Variants in ADCY5 observed in about 807,000 individuals in gnomAD.
ADCY5 encodes adenylate cyclase 5, also known as adenylate cyclase type 5.
ADCY5 carries 30 observed loss-of-function variants against 119.7 expected under a neutral mutation model. The observed-to-expected ratio is 0.25, with a 90% CI of 0.19 to 0.34. The LOEUF is 0.34. Among genes scored for constraint, ADCY5 ranks in the 10% least tolerant of loss-of-function variants. ADCY5 has a pLI of 1.00. For synonymous variants in ADCY5, 753 were observed against 762.2 expected, an observed-to-expected ratio of 0.99 and a Z score of 0.20; for missense variants, 1,324 against 1,775.2, an observed-to-expected ratio of 0.75 and a Z score of 4.57.
At chr3:123,416,153 G>T (rs967103855) in intron 1 of ADCY5, 55 of 1,535,648 alleles carry the variant, frequency 3.6e-5, no homozygotes, top group Middle Eastern at 1.7e-4. Context: ...GACAGGTAGT[G>T]TGGGAGGCCT....
intron 1 of ADCY5, among the ~76,000 whole-genome samples, chr3:123,386,484 G>A (rs1175101980): frequency 1.3e-5 from 2 of 152,222 alleles, no homozygotes; most frequent in Non-Finnish European, 2.9e-5. Flanking sequence ...TTCTACTTAG[G>A]AGACATGTTT....
Position 123,448,391 on chromosome 3 carries a change from C to T in ADCY5, c.155G>A (p.Gly52Asp), listed in dbSNP as rs1380755130. 1 of 1,455,422 alleles carries T rather than the reference C, an allele frequency of 6.9e-7. No homozygotes were observed. Among genetic ancestry groups the T allele is most frequent in the Non-Finnish European group, 9.0e-7 (1 of 1,111,788 alleles). The allele number at this position is 1,455,422 out of a possible 1,614,324, so 90.2% of individuals were successfully genotyped here. ...YPHAPGGSAR[G>D]STKKPGGAVT... ...CGCCCCCCCGGGTTTCTTGGTGGAGCCGCGGGCAGAGCCCCCGGGGGCATG... is the reference window on the plus strand; with the variant it reads ...CGCCCCCCCGGGTTTCTTGGTGGAGTCGCGGGCAGAGCCCCCGGGGGCATG... The change falls in exon 1 of 21, where the codon GGC becomes GAC. Residue 52 changes from glycine to aspartate, a missense_variant. By Grantham distance (94) the Gly-to-Asp change is moderately conservative. Coordinates refer to ENST00000462833, the MANE Select transcript of ADCY5 (RefSeq NM_183357.3).
At chr3:123,301,176 G>GATT (rs1194491192) in intron 14 of ADCY5, among the ~76,000 whole-genome samples, 3 of 152,020 alleles carry the variant, frequency 2.0e-5, no homozygotes, top group Non-Finnish European at 4.4e-5. Flanking sequence ...CAATTATTAT[G>GATT]ATTATTATTA....
At chr3:123,435,171 G>A (rs945106521) in intron 1 of ADCY5, among the ~76,000 whole-genome samples, 2 of 152,152 alleles carry the variant, frequency 1.3e-5, no homozygotes, top group Non-Finnish European at 2.9e-5. Flanking sequence ...TATAGTCCCA[G>A]CTACTTGGGA....
intron 3 of ADCY5, among the ~76,000 whole-genome samples, chr3:123,336,882 T>C (rs1214475236): frequency 6.6e-6 from 1 of 152,210 alleles, no homozygotes; most frequent in African/African-American, 2.4e-5. Context: ...AGGCATCTCG[T>C]AGAACCACCT....
At chr3:123,433,562 G>A (rs1042351187) in intron 1 of ADCY5, among the ~76,000 whole-genome samples, 7 of 152,214 alleles carry the variant, frequency 4.6e-5, no homozygotes, top group African/African-American at 1.7e-4. Flanking sequence ...AAGTGAATCT[G>A]AAACACAGCT....
chr3:123,390,757 C>A (rs1381227702), intron 1 of ADCY5, among the ~76,000 whole-genome samples: 5 of 152,176 alleles, frequency 3.3e-5, no homozygotes, highest in African/African-American at 9.7e-5. Flanking sequence ...GCTAGGCCAC[C>A]CAGTCCCATC....
chr3:123,319,532 G>A, intron 10 of ADCY5, 142 bp downstream of exon 10: 2 of 1,008,668 alleles, frequency 2.0e-6, no homozygotes, highest in South Asian at 3.3e-5. Flanking sequence ...ATCTCTCTAG[G>A]TAGTGCAGCA....
At chr3:123,350,211 C>T (rs11720108) in intron 2 of ADCY5, among the ~76,000 whole-genome samples, 29,674 of 152,254 alleles carry the variant, frequency 0.19, 3,135 homozygotes, top group Admixed American at 0.26. Flanking sequence ...TCCCCTCCCC[C>T]ACTCGCTGAA....
At chr3:123,435,483 C>G (rs2107649184) in intron 1 of ADCY5, among the ~76,000 whole-genome samples, 1 of 152,274 alleles carries the variant, frequency 6.6e-6, no homozygotes, top group East Asian at 1.9e-4. Flanking sequence ...CCTCCATTGA[C>G]CAAGAGATGT....
At chr3:123,441,030 AAGAGGACACCCT>A (rs1188095430) in intron 1 of ADCY5, among the ~76,000 whole-genome samples, 1 of 152,176 alleles carries the variant, frequency 6.6e-6, no homozygotes, top group Non-Finnish European at 1.5e-5. Flanking sequence ...TGGGCATGAT[AAGAGGACACCCT>A]GGAGGACTTT....
chr3:123,382,708 A>G (rs1944071932), intron 1 of ADCY5, among the ~76,000 whole-genome samples: 1 of 152,230 alleles, frequency 6.6e-6, no homozygotes, highest in African/African-American at 2.4e-5. Context: ...GGACTAGTCA[A>G]AATCATAGAG....
chr3:123,448,456 A>T lies in ADCY5; in HGVS notation c.90T>A (p.Ser30=). The T allele has an allele frequency of 7.7e-7, 1 of 1,299,112 alleles. No homozygotes were observed. The highest frequency in any genetic ancestry group is 9.7e-7 in the Non-Finnish European group (1 of 1,025,700). The allele number at this position is 1,299,112 out of a possible 1,614,324, so 80.5% of individuals were successfully genotyped here. The change falls in exon 1 of 21, where the codon TCT becomes TCA. Residue 30 remains serine, a synonymous_variant. Transcript: ENST00000462833. The part of the protein sequence containing the change: ...PAPRGGPEHR[S]AWGEADSRAN... ...CGCGGGAATCGGCCTCGCCCCACGC[A>T]GAGCGGTGTTCGGGGCCTCCCCGGG... is the stretch of plus-strand genomic sequence containing the variant.
intron 1 of ADCY5, among the ~76,000 whole-genome samples, chr3:123,367,587 T>C (rs1174657390): frequency 6.6e-6 from 1 of 152,164 alleles, no homozygotes; most frequent in Non-Finnish European, 1.5e-5. Flanking sequence ...ACCTTCATTG[T>C]TTCCTGTGAG....
At chr3:123,399,031 G>A (rs112051232) in intron 1 of ADCY5, among the ~76,000 whole-genome samples, 2,628 of 152,306 alleles carry the variant, frequency 0.017, 74 homozygotes, top group African/African-American at 0.06. Context: ...GGCAGGACTG[G>A]GGGAGCTCTC....
At chr3:123,443,655 G>C (rs958004296) in intron 1 of ADCY5, among the ~76,000 whole-genome samples, 1 of 152,154 alleles carries the variant, frequency 6.6e-6, no homozygotes, top group South Asian at 2.1e-4. Context: ...GTTCAAATAG[G>C]CACAAAAGAA....
chr3:123,300,067 C>T (rs1939750829), intron 15 of ADCY5, 53 bp downstream of exon 15: 2 of 1,587,194 alleles, frequency 1.3e-6, no homozygotes, highest in Non-Finnish European at 1.7e-6. Flanking sequence ...GCTCTTGCCA[C>T]CTCCCTGCAA....
At chr3:123,430,250 A>G (rs917756794) in intron 1 of ADCY5, among the ~76,000 whole-genome samples, 1 of 152,188 alleles carries the variant, frequency 6.6e-6, no homozygotes, top group East Asian at 1.9e-4. Context: ...CAAAGAGCAA[A>G]AAGACTGTGG....
intron 1 of ADCY5, among the ~76,000 whole-genome samples, chr3:123,385,307 ACACG>A (rs983194860): frequency 2.2e-4 from 34 of 151,206 alleles, no homozygotes; most frequent in Non-Finnish European, 1.3e-4. Context: ...ACACACACAC[ACACG>A]CACGCACGAC....
Sources: gnomAD v4.1 joint callset for allele counts (sites outside exome capture counted in the v4.1 genomes callset) on GRCh38, gnomAD v4.1.1 for gene constraint, MANE v1.5 for transcripts, NCBI Gene and HGNC (gene_info 2026-07-23, HGNC 2026-07-21) for gene names.